SESN2: variants seen among roughly 807,000 people sequenced by gnomAD.
SESN2 encodes the protein sestrin 2.
SESN2 carries 42 observed loss-of-function variants against 56.0 expected under a neutral mutation model. The observed-to-expected ratio is 0.75, with a 90% CI of 0.59 to 0.97. SESN2 has a LOEUF of 0.97. Among genes scored for constraint, SESN2 ranks in the 50% least tolerant of loss-of-function variants. The pLI is 0.00. For missense variants in SESN2, 507 were observed against 649.4 expected, an observed-to-expected ratio of 0.78 and a Z score of 2.38; for synonymous variants, 264 against 267.1, an observed-to-expected ratio of 0.99 and a Z score of 0.11.
chr1:28,262,408 C>T (rs1437970134), intron 1 of SESN2, among the ~76,000 whole-genome samples: 5 of 151,992 alleles, frequency 3.3e-5, no homozygotes, highest in South Asian at 2.1e-4. Flanking sequence ...TTTGGGAGGC[C>T]GAGGCAGATG....
Position 28,279,027 on chromosome 1 carries a change from TG to T in SESN2, c.1212-66del, listed in dbSNP as rs1648143470. 2.7e-6 allele frequency: 4 copies of T among 1,474,286 alleles called. No homozygotes were observed. In the South Asian group the frequency reaches 3.4e-5, roughly 13 times the overall value. 91.3% of individuals were successfully genotyped at this position (1,474,286 alleles called of 1,614,324 possible). ...ACACTCTGTTCTTCCCTCTGTAGGG[TG>T]GGGTTGCGGGGAGGGAGCTGCCTTT... On this transcript the variant is annotated intron_variant, in intron 8 of 9. Transcript: ENST00000253063.
intron 8 of SESN2, among the ~76,000 whole-genome samples, chr1:28,276,758 T>C (rs1648061231): frequency 6.6e-6 from 1 of 151,356 alleles, no homozygotes; most frequent in Non-Finnish European, 1.5e-5. Context: ...TTTGTATTTT[T>C]AGTAGAGATG....
intron 2 of SESN2, among the ~76,000 whole-genome samples, chr1:28,270,837 G>A (rs1647746586): frequency 6.6e-6 from 1 of 152,044 alleles, no homozygotes; most frequent in South Asian, 2.1e-4. Context: ...CCAATGTGCT[G>A]GGATTACAGA....
In SESN2 at chr1:28,270,924, G is replaced by A. The variant is rs970865903; in HGVS notation, c.157-750G>A. Among the ~76,000 whole-genome samples the A allele has an allele frequency of 3.3e-4, 50 of 152,044 alleles. 1 individual carries two copies. The highest frequency in any genetic ancestry group is 1.2e-3 in the African/African-American group (48 of 41,440). ...CAGCCAGGCACAGTAGCTCATGCCTGTAATCCCAGCACTTTGGGAGGCCAA... is the reference window on the plus strand; with the variant it reads ...CAGCCAGGCACAGTAGCTCATGCCTATAATCCCAGCACTTTGGGAGGCCAA... On this transcript the variant is annotated intron_variant, in intron 2 of 9. Coordinates refer to ENST00000253063, the MANE Select transcript of SESN2 (RefSeq NM_031459.5).
intron 8 of SESN2, among the ~76,000 whole-genome samples, chr1:28,275,683 C>T (rs1477784239): frequency 1.3e-5 from 2 of 151,466 alleles, no homozygotes; most frequent in African/African-American, 2.4e-5. Flanking sequence ...ACCGGGGAGG[C>T]GGAGGCTGAA....
At chr1:28,264,580 G>GT (rs551393177) in intron 1 of SESN2, among the ~76,000 whole-genome samples, 43 of 152,224 alleles carry the variant, frequency 2.8e-4, no homozygotes, top group African/African-American at 9.9e-4. Context: ...GTTCTGTTAC[G>GT]TGGAACTGGA....
chr1:28,269,256 T>A lies in SESN2; in HGVS notation c.156+8T>A. ...TTCATCCCCGTGGAGGAGGTAAGCTTGGAAGGGGTTAGGGATCTTTGGTCC... is the reference window on the plus strand; with the variant it reads ...TTCATCCCCGTGGAGGAGGTAAGCTAGGAAGGGGTTAGGGATCTTTGGTCC... On this transcript the variant is annotated splice_region_variant and intron_variant, in intron 2 of 9. Transcript: ENST00000253063. The A allele has an allele frequency of 1.2e-6, 2 of 1,607,002 alleles. No individual in the cohort carries two copies. The highest frequency in any genetic ancestry group is 1.7e-6 in the Non-Finnish European group (2 of 1,175,140).
chr1:28,280,642 A>G, intron 9 of SESN2, 74 bp from the exon 10 acceptor site: 6 of 1,188,222 alleles, frequency 5.0e-6, no homozygotes, highest in Non-Finnish European at 7.5e-6. Flanking sequence ...TGGGTCAGGG[A>G]TCAAGGCAGT....
At chr1:28,262,664 C>T (rs534583309) in intron 1 of SESN2, among the ~76,000 whole-genome samples, 28 of 143,426 alleles carry the variant, frequency 2.0e-4, no homozygotes, top group Non-Finnish European at 4.0e-4. Flanking sequence ...CGCGGTGGCT[C>T]GCACCTGTAA....
chr1:28,269,381 A>G (rs1389487731), intron 2 of SESN2, 133 bp downstream of exon 2: 4 of 545,678 alleles, frequency 7.3e-6, no homozygotes, highest in East Asian at 6.8e-5. Context: ...GATTCATTTA[A>G]TTCACAAAAC....
chr1:28,264,063 TAAAA>T (rs747016677), intron 1 of SESN2, among the ~76,000 whole-genome samples: 1 of 107,748 alleles, frequency 9.3e-6, no homozygotes. Flanking sequence ...CATCTCTATT[TAAAA>T]AAAAAAAAAA....
chr1:28,263,043 A>T (rs1647436332), intron 1 of SESN2, among the ~76,000 whole-genome samples: 1 of 152,076 alleles, frequency 6.6e-6, no homozygotes, highest in African/African-American at 2.4e-5. Flanking sequence ...CCATTGTAGG[A>T]GCTTTGGTCC....
intron 8 of SESN2, among the ~76,000 whole-genome samples, chr1:28,275,918 G>A (rs1648022056): frequency 6.6e-6 from 1 of 151,940 alleles, no homozygotes; most frequent in Non-Finnish European, 1.5e-5. Flanking sequence ...TGCCTGTGTG[G>A]TGGCATCACT....
At chr1:28,275,036 T>C (rs1286576804) in intron 8 of SESN2, 21 bp downstream of exon 8, 1 of 1,582,980 alleles carries the variant, frequency 6.3e-7, no homozygotes. Flanking sequence ...ATCCCTTCAT[T>C]TGGGGCATGT....
Position 28,280,868 on chromosome 1 carries a change from A to G in SESN2, c.*66A>G. 7.6e-7 allele frequency: 1 copy of G among 1,320,014 alleles called. No homozygotes were observed. Among genetic ancestry groups the G allele is most frequent in the Non-Finnish European group, 1.1e-6 (1 of 919,612 alleles). 81.8% of individuals were successfully genotyped at this position (1,320,014 alleles called of 1,614,324 possible). On this transcript the variant is annotated 3_prime_UTR_variant, in exon 10 of 10. Transcript: ENST00000253063. ...GACTTCTCTGTCTGGAGACAGCCCCAGACCCTTTTGTGTCCCATGCCCACC... is the reference window on the plus strand; with the variant it reads ...GACTTCTCTGTCTGGAGACAGCCCCGGACCCTTTTGTGTCCCATGCCCACC...
Position 28,274,175 on chromosome 1 carries a change from T to C in SESN2, c.1020+17T>C. On this transcript the variant is annotated intron_variant, in intron 7 of 9. Transcript: ENST00000253063. ...CGGGCCCAGGTAGGGCTCTCTCTAC[T>C]AGTCTTGGCCATTGCTCCACATTTA... 1 of 1,490,862 alleles carries C rather than the reference T, an allele frequency of 6.7e-7. No homozygotes were observed. Among genetic ancestry groups the C allele is most frequent in the Non-Finnish European group, 9.4e-7 (1 of 1,067,446 alleles). 92.4% of individuals were successfully genotyped at this position (1,490,862 alleles called of 1,614,324 possible).
intron 9 of SESN2, 141 bp downstream of exon 9, chr1:28,279,382 A>G: frequency 1.3e-6 from 1 of 772,080 alleles, no homozygotes; most frequent in Non-Finnish European, 2.0e-6. Flanking sequence ...TCTGGATTGA[A>G]GTCCTATTCC....
intron 1 of SESN2, among the ~76,000 whole-genome samples, chr1:28,264,466 G>A (rs1264221241): frequency 6.6e-6 from 1 of 152,168 alleles, no homozygotes; most frequent in Admixed American, 6.6e-5. Flanking sequence ...CATGTGATCT[G>A]TTTAGTTGAA....
chr1:28,275,245 A>T (rs988939725), intron 8 of SESN2, among the ~76,000 whole-genome samples: 3 of 152,026 alleles, frequency 2.0e-5, no homozygotes, highest in African/African-American at 7.2e-5. Flanking sequence ...ATTTATGTAC[A>T]TATATATACA....
Sources: allele counts gnomAD v4.1 joint callset (sites outside exome capture counted in the v4.1 genomes callset), GRCh38; gene constraint gnomAD v4.1.1; transcripts MANE v1.5; gene names NCBI Gene and HGNC (gene_info 2026-07-23, HGNC 2026-07-21).